Variants in PHACTR3 observed in about 807,000 individuals in gnomAD.
The protein encoded by PHACTR3 is phosphatase and actin regulator 3.
In PHACTR3, 16 loss-of-function variants were observed where a neutral mutation model predicts 66.8. The observed-to-expected ratio is 0.24, with a 90% CI of 0.16 to 0.36. PHACTR3 has a LOEUF of 0.36. PHACTR3 is among the 10% of genes least tolerant of loss of function. PHACTR3 has a pLI of 1.00. For synonymous variants in PHACTR3, 323 were observed against 292.1 expected (o/e 1.11, Z -1.08); for missense variants, 647 against 719.9 (o/e 0.90, Z 1.16).
chr20:59,736,867 G>A lies in PHACTR3; in HGVS notation c.119-6240G>A, dbSNP rs2038963402. ...CCCCAGGGAAGGCAGAGGGGAGAGG[G>A]AATTTCCTCCCAAGGGGGATGCAGA... On this transcript the variant is annotated intron_variant, in intron 1 of 12. Transcript: ENST00000371015. This position sits in a 1 kb window ranked among gnomAD's most constrained non-coding sequence, Gnocchi z 4.6. Among the ~76,000 whole-genome samples, 2 of 152,148 alleles carry A rather than the reference G, an allele frequency of 1.3e-5. No homozygotes were observed. The highest frequency in any genetic ancestry group is 4.2e-4 in the South Asian group (2 of 4,816).
At chr20:59,687,699 AC>A (rs1269613099) in intron 1 of PHACTR3, among the ~76,000 whole-genome samples, 15 of 152,276 alleles carry the variant, frequency 9.9e-5, no homozygotes, top group African/African-American at 3.6e-4. Context: ...ACATTTTCAC[AC>A]TTCACCCCTA....
chr20:59,744,000 C>T (rs891585157), intron 2 of PHACTR3, among the ~76,000 whole-genome samples: 15 of 152,094 alleles, frequency 9.9e-5, no homozygotes, highest in East Asian at 1.9e-4. Flanking sequence ...CCCGCCTCCT[C>T]GGAATCCAGC....
intron 1 of PHACTR3, among the ~76,000 whole-genome samples, chr20:59,660,425 C>T (rs1021016939): frequency 7.9e-5 from 12 of 152,208 alleles, no homozygotes; most frequent in East Asian, 1.9e-4. Context: ...ATCCGGGAGG[C>T]GGAGCTTGCA....
chr20:59,842,240 G>GTTTTGTCA (rs1169807492), intron 11 of PHACTR3, among the ~76,000 whole-genome samples: 2 of 152,210 alleles, frequency 1.3e-5, no homozygotes, highest in African/African-American at 4.8e-5. Context: ...TGTCCATAGA[G>GTTTTGTCA]TTTTGTCACC....
intron 1 of PHACTR3, among the ~76,000 whole-genome samples, chr20:59,674,145 C>T (rs1411073563): frequency 6.6e-6 from 1 of 151,328 alleles, no homozygotes; most frequent in South Asian, 2.1e-4. Flanking sequence ...CCTCCCACCT[C>T]CCGCTTAAAG....
chr20:59,645,916 G>A (rs1404641577), intron 1 of PHACTR3, among the ~76,000 whole-genome samples: 2 of 152,144 alleles, frequency 1.3e-5, no homozygotes, highest in East Asian at 1.9e-4. Flanking sequence ...TAATAAGGCT[G>A]TTGAGCCTGG....
intron 1 of PHACTR3, among the ~76,000 whole-genome samples, chr20:59,614,062 A>G (rs774374444): frequency 2.9e-4 from 44 of 152,232 alleles, no homozygotes; most frequent in Admixed American, 1.1e-3. Flanking sequence ...TAACCGGCCC[A>G]TGGTCACATT....
intron 8 of PHACTR3, among the ~76,000 whole-genome samples, chr20:59,809,749 T>A (rs570898644): frequency 6.6e-6 from 1 of 152,296 alleles, no homozygotes; most frequent in South Asian, 2.1e-4. Context: ...TGAGCCAGGC[T>A]GTCCCCGCCA....
chr20:59,597,360 C>T (rs1265293097), intron 1 of PHACTR3, among the ~76,000 whole-genome samples: 1 of 152,176 alleles, frequency 6.6e-6, no homozygotes, highest in Non-Finnish European at 1.5e-5. Flanking sequence ...CCTTTATCAT[C>T]ATCATCAAGT....
At chr20:59,628,905 CA>C (rs2034562276) in intron 1 of PHACTR3, 2 of 720,866 alleles carry the variant, frequency 2.8e-6, no homozygotes, top group Non-Finnish European at 3.4e-6. Context: ...GTGGGGGTTG[CA>C]GAGCTTCCCT....
chr20:59,658,081 G>A (rs750741042), intron 1 of PHACTR3, among the ~76,000 whole-genome samples: 33 of 151,928 alleles, frequency 2.2e-4, no homozygotes, highest in Middle Eastern at 3.4e-3. Context: ...ATTCAACAAA[G>A]CCACTGTTGA....
chr20:59,747,118 T>G (rs968474387), intron 2 of PHACTR3, among the ~76,000 whole-genome samples: 2 of 152,176 alleles, frequency 1.3e-5, no homozygotes, highest in African/African-American at 4.8e-5. Context: ...CAAGAGTGTT[T>G]TGCTCCGGGA....
intron 1 of PHACTR3, among the ~76,000 whole-genome samples, chr20:59,696,228 C>A (rs1416627816): frequency 6.6e-6 from 1 of 152,288 alleles, no homozygotes; most frequent in African/African-American, 2.4e-5. Context: ...AAGCAGAGAG[C>A]ACTTAGGGAT....
chr20:59,817,595 C>G (rs1395467702), intron 8 of PHACTR3, among the ~76,000 whole-genome samples: 3 of 152,226 alleles, frequency 2.0e-5, no homozygotes, highest in African/African-American at 4.8e-5. Flanking sequence ...GTCACAGACC[C>G]AAATGCTCCA....
intron 1 of PHACTR3, among the ~76,000 whole-genome samples, chr20:59,614,511 C>T (rs1215502715): frequency 6.6e-6 from 1 of 152,182 alleles, no homozygotes; most frequent in Non-Finnish European, 1.5e-5. Context: ...CTAATGGTCA[C>T]GACATCTGTA....
intron 1 of PHACTR3, among the ~76,000 whole-genome samples, chr20:59,615,025 A>T (rs924834219): frequency 6.6e-6 from 1 of 152,006 alleles, no homozygotes; most frequent in African/African-American, 2.4e-5. Context: ...TTTTTCGGGG[A>T]TCTGCCTGGC....
intron 1 of PHACTR3, chr20:59,628,725 A>C: frequency 1.0e-6 from 1 of 985,540 alleles, no homozygotes; most frequent in Non-Finnish European, 1.2e-6. Flanking sequence ...AGTACCTACT[A>C]GGTGGGCCAG....
chr20:59,606,060 C>T (rs1279804538), intron 1 of PHACTR3, among the ~76,000 whole-genome samples: 1 of 152,216 alleles, frequency 6.6e-6, no homozygotes, highest in Non-Finnish European at 1.5e-5. Flanking sequence ...TAGAGAAGCA[C>T]AATTCCTTCG....
intron 1 of PHACTR3, among the ~76,000 whole-genome samples, chr20:59,729,378 AG>A (rs2038684231): frequency 6.6e-6 from 1 of 152,072 alleles, no homozygotes; most frequent in Non-Finnish European, 1.5e-5. Context: ...GAAAAGGAAA[AG>A]GAGACCGGGG....
Sources: gnomAD v4.1 joint callset for allele counts (sites outside exome capture counted in the v4.1 genomes callset) on GRCh38, gnomAD v4.1.1 for gene constraint, Gnocchi (gnomAD v3.1) non-coding constraint, MANE v1.5 for transcripts, NCBI Gene and HGNC (gene_info 2026-07-23, HGNC 2026-07-21) for gene names.